DNAAF5: variants seen among roughly 807,000 people sequenced by gnomAD.
The protein encoded by DNAAF5 is HEAT repeat containing 2.
DNAAF5 carries 64 observed loss-of-function variants against 75.8 expected under a neutral mutation model. That is an observed-to-expected ratio of 0.84 (90% CI 0.69 to 1.04). DNAAF5 has a LOEUF of 1.04. Ranked by LOEUF, DNAAF5 falls within the 50% of genes least tolerant of loss-of-function variation. The pLI, the probability that DNAAF5 is intolerant of heterozygous loss-of-function variation, is 0.00. For missense variants in DNAAF5, 1,269 were observed against 1,178.5 expected, an observed-to-expected ratio of 1.08 and a Z score of -1.12; for synonymous variants, 657 against 557.2, an observed-to-expected ratio of 1.18 and a Z score of -2.52.
In DNAAF5 at chr7:772,060, G is replaced by A. The variant is rs369610576; in HGVS notation, c.1931+1442G>A. On this transcript the variant is annotated intron_variant, in intron 9 of 12. Transcript: ENST00000297440. ...GGGGAGTCGCCACTGACCATCGTCTGCGCAGAGCACCTTCCTGCTGACCGC... is the reference window on the plus strand; with the variant it reads ...GGGGAGTCGCCACTGACCATCGTCTACGCAGAGCACCTTCCTGCTGACCGC... 5 of 152,454 alleles carry A rather than the reference G, an allele frequency of 3.3e-5. No homozygotes were observed. In the East Asian group the frequency reaches 9.6e-4, roughly 29 times the overall value. 9.4% of individuals were successfully genotyped at this position (152,454 alleles called of 1,614,324 possible).
chr7:749,782 G>T (rs541679294), intron 4 of DNAAF5, among the ~76,000 whole-genome samples: 4 of 152,056 alleles, frequency 2.6e-5, no homozygotes, highest in Non-Finnish European at 4.4e-5. Flanking sequence ...TGCAACCTCC[G>T]CCTCCCAGAT....
At chr7:744,095 T>C (rs1312119410) in intron 4 of DNAAF5, among the ~76,000 whole-genome samples, 1 of 151,818 alleles carries the variant, frequency 6.6e-6, no homozygotes, top group Non-Finnish European at 1.5e-5. Flanking sequence ...CCCCCTCACC[T>C]CACCCCACAA....
intron 4 of DNAAF5, among the ~76,000 whole-genome samples, chr7:743,442 ACGCCTACAGAGCCGTGG>A (rs1269244899): frequency 6.6e-6 from 1 of 151,904 alleles, no homozygotes; most frequent in African/African-American, 2.4e-5. Flanking sequence ...TGTTAAATCC[ACGCCTACAGAGCCGTGG>A]CTCCTCCCGA....
At position 774,157 on chromosome 7, in the gene DNAAF5, C is replaced by T. The variant is rs748801320; in HGVS notation, c.2041C>T (p.Leu681Phe). 3.7e-6 allele frequency: 6 copies of T among 1,612,276 alleles called. No individual in the cohort carries two copies. Among genetic ancestry groups the T allele is most frequent in the African/African-American group, 1.3e-5 (1 of 75,050 alleles). Residue 681 changes from leucine (L) to phenylalanine (F), a missense_variant, in exon 10 of 13, where the codon CTC becomes TTC. By Grantham distance (22) the Leu-to-Phe change is conservative. Coordinates refer to ENST00000297440, the MANE Select transcript of DNAAF5 (RefSeq NM_017802.4). ...AAIRTAAVSC[L>F]WALTSSEVLS... is the part of the protein sequence containing the mutation. ...CATCCGCACGGCTGCCGTGTCCTGC[C>T]TCTGGGCGCTCACCAGCAGCGAGGT...
At chr7:774,446 G>C (rs937253653) in intron 10 of DNAAF5, among the ~76,000 whole-genome samples, 1 of 152,320 alleles carries the variant, frequency 6.6e-6, no homozygotes, top group South Asian at 2.1e-4. Flanking sequence ...GTCGTGCTGC[G>C]GGTTTTGCAG....
At chr7:775,560 T>G (rs1778734177) in intron 11 of DNAAF5, among the ~76,000 whole-genome samples, 1 of 151,708 alleles carries the variant, frequency 6.6e-6, no homozygotes, top group Non-Finnish European at 1.5e-5. Flanking sequence ...ATATACATGT[T>G]TGTGCATTTA....
At chr7:779,023 G>A (rs927760160) in intron 11 of DNAAF5, among the ~76,000 whole-genome samples, 3 of 152,270 alleles carry the variant, frequency 2.0e-5, no homozygotes, top group Non-Finnish European at 2.9e-5. Context: ...AGAACCCTCA[G>A]GGAAGTGCCT....
chr7:744,189 G>A (rs976011729), intron 4 of DNAAF5, among the ~76,000 whole-genome samples: 7 of 152,054 alleles, frequency 4.6e-5, no homozygotes, highest in East Asian at 3.9e-4. Flanking sequence ...AATATGCGGC[G>A]TTTGGTTTTT....
At chr7:768,251 C>G (rs1778411146) in intron 8 of DNAAF5, among the ~76,000 whole-genome samples, 1 of 147,414 alleles carries the variant, frequency 6.8e-6, no homozygotes, top group Non-Finnish European at 1.5e-5. Flanking sequence ...AGTGTCCGTG[C>G]TGCGAGGAGG....
At chr7:732,591 G>A (rs1781621392) in intron 2 of DNAAF5, 1 of 456,016 alleles carries the variant, frequency 2.2e-6, no homozygotes, top group Non-Finnish European at 4.4e-6. Flanking sequence ...TCAGAGATGA[G>A]TGTTTGTCAC....
At chr7:730,047 T>TA (rs1781517550) in intron 2 of DNAAF5, among the ~76,000 whole-genome samples, 200 bp downstream of exon 2, 3 of 152,238 alleles carry the variant, frequency 2.0e-5, no homozygotes, top group African/African-American at 7.2e-5. Context: ...TGTTTGATGT[T>TA]ATGAATTCCA....
chr7:746,980 CCTT>C lies in DNAAF5; in HGVS notation c.1024+5520_1024+5522del, dbSNP rs558006141. ...ATGGCACCTGTGTCTGCAGCACTTT[CCTT>C]CTTCGCGTGAGTCACGTTCCCTCCC... is the stretch of plus-strand genomic sequence containing the variant. On this transcript the variant is annotated intron_variant, in intron 4 of 12. Transcript: ENST00000297440. Among the ~76,000 whole-genome samples, 49 of 152,368 alleles carry C rather than the reference CCTT, an allele frequency of 3.2e-4. No individual in the cohort carries two copies. In the East Asian group the frequency reaches 8.9e-3, roughly 28 times the overall value.
intron 8 of DNAAF5, among the ~76,000 whole-genome samples, chr7:764,436 C>T (rs989633615): frequency 8.5e-5 from 13 of 152,180 alleles, no homozygotes; most frequent in African/African-American, 2.7e-4. Context: ...GGGGCTTCAG[C>T]GCGGGGCAAG....
At chr7:782,875 C>G (rs1779019860) in intron 12 of DNAAF5, among the ~76,000 whole-genome samples, 1 of 152,070 alleles carries the variant, frequency 6.6e-6, no homozygotes. Flanking sequence ...GTGGCCGCGT[C>G]CCCTCACACA....
At position 740,761 on chromosome 7, in the gene DNAAF5, G is replaced by A. The variant is rs116403559; in HGVS notation, c.781-58G>A. 1.3e-3 allele frequency: 2,067 copies of A among 1,602,600 alleles called. 28 individuals carry two copies. In the African/African-American group the frequency reaches 0.024, roughly 19 times the overall value. ...GCAGCACTCAGAGCCGCACCGTGGCGTCAGCCCCGGCATCCCCTTTGCCTA... is the reference window on the plus strand; with the variant it reads ...GCAGCACTCAGAGCCGCACCGTGGCATCAGCCCCGGCATCCCCTTTGCCTA... On this transcript the variant is annotated intron_variant, in intron 2 of 12. Transcript: ENST00000297440.
intron 2 of DNAAF5, among the ~76,000 whole-genome samples, chr7:731,976 G>A (rs1450323230): frequency 2.0e-5 from 3 of 152,118 alleles, no homozygotes; most frequent in Non-Finnish European, 2.9e-5. Flanking sequence ...TGCACAGAAG[G>A]TCCTGACTGC....
rs573265374 is a variant in DNAAF5, at chr7:761,846, G to T, written c.1564G>T (p.Val522Leu). ...CGVASLQLLD[V>L]LLTIVALAGA... ...CGTGGCCAGCCTGCAGCTCTTGGAC[G>T]TGCTGCTGACAATAGTGGCCCTCGC... is the stretch of plus-strand genomic sequence containing the variant. Residue 522 changes from valine to leucine, a missense_variant, in exon 7 of 13, where the codon GTG becomes TTG. Coordinates refer to ENST00000297440, the MANE Select transcript of DNAAF5 (RefSeq NM_017802.4). 2.5e-6 allele frequency: 4 copies of T among 1,598,228 alleles called. No individual in the cohort carries two copies. The highest frequency in any genetic ancestry group is 1.1e-5 in the South Asian group (1 of 88,236).
rs775282133 is a variant in DNAAF5, at chr7:741,464, T to C, written c.1023T>C (p.His341=). The change falls in exon 4 of 13, where the codon CAT becomes CAC. Residue 341 remains histidine, a splice_region_variant and synonymous_variant. Transcript: ENST00000297440. The part of the protein sequence containing the change: ...APPTPPHYPP[H]ERRPVLGCRE... ...CCACCCCACCCCATTACCCTCCACATGGTGAGTGACCGCGGCAGAGGGGAG... is the reference window on the plus strand; with the variant it reads ...CCACCCCACCCCATTACCCTCCACACGGTGAGTGACCGCGGCAGAGGGGAG... The C allele has an allele frequency of 3.3e-5, 37 of 1,122,244 alleles. No individual in the cohort carries two copies. Among genetic ancestry groups the C allele is most frequent in the Non-Finnish European group, 4.4e-5 (36 of 826,056 alleles). 69.5% of individuals were successfully genotyped at this position (1,122,244 alleles called of 1,614,324 possible).
intron 4 of DNAAF5, among the ~76,000 whole-genome samples, chr7:746,515 C>G (rs1415763803): frequency 1.4e-5 from 2 of 144,948 alleles, no homozygotes; most frequent in Non-Finnish European, 3.0e-5. Flanking sequence ...CCTTACCGTC[C>G]TGCCCTGTCC....
Sources: allele counts gnomAD v4.1 joint callset (sites outside exome capture counted in the v4.1 genomes callset), GRCh38; gene constraint gnomAD v4.1.1; transcripts MANE v1.5; gene names NCBI Gene and HGNC (gene_info 2026-07-23, HGNC 2026-07-21).